SCHIP1: variants seen among roughly 807,000 people sequenced by gnomAD.
SCHIP1 encodes the protein schwannomin interacting protein 1, also known as schwannomin-interacting protein 1.
Under a neutral mutation model 29.7 loss-of-function variants are expected in SCHIP1, and 8 were observed. That is an observed-to-expected ratio of 0.27 (90% CI 0.16 to 0.49). The LOEUF (loss-of-function observed/expected upper bound fraction) is 0.49, where lower values mean the gene tolerates loss of function less well. Among genes scored for constraint, SCHIP1 ranks in the 20% least tolerant of loss-of-function variants. The pLI, the probability that SCHIP1 is intolerant of heterozygous loss-of-function variation, is 0.99. For synonymous variants in SCHIP1, 76 were observed against 94.9 expected, an observed-to-expected ratio of 0.80 and a Z score of 1.16; for missense variants, 193 against 294.6, an observed-to-expected ratio of 0.66 and a Z score of 2.52.
the SCHIP1 span, among the ~76,000 whole-genome samples, chr3:159,393,868 G>C: frequency 1.3e-5 from 2 of 152,160 alleles, no homozygotes; most frequent in South Asian, 4.1e-4. Context: ...TTGGTAGCTT[G>C]ATGGGGATGG....
At chr3:159,606,934 T>A in the SCHIP1 span, among the ~76,000 whole-genome samples, 3 of 152,260 alleles carry the variant, frequency 2.0e-5, 1 homozygote, top group South Asian at 6.2e-4. Context: ...GAAGGATGGA[T>A]CTGGTGACAG....
chr3:159,398,030 T>C, the SCHIP1 span, among the ~76,000 whole-genome samples: 48 of 152,254 alleles, frequency 3.2e-4, no homozygotes, highest in Non-Finnish European at 5.4e-4. Flanking sequence ...TCTCCTGGTG[T>C]GCTGTTTTTT....
the SCHIP1 span, among the ~76,000 whole-genome samples, chr3:159,729,896 G>A: frequency 6.6e-6 from 1 of 152,180 alleles, no homozygotes; most frequent in Non-Finnish European, 1.5e-5. Flanking sequence ...AAATTGTGGT[G>A]TATTCCCAGA....
chr3:159,372,641 G>T, the SCHIP1 span, among the ~76,000 whole-genome samples: 2 of 152,048 alleles, frequency 1.3e-5, no homozygotes, highest in African/African-American at 4.8e-5. Context: ...GACCACATCT[G>T]CCTGTCATGT....
chr3:159,483,459 TTTA>T, the SCHIP1 span, among the ~76,000 whole-genome samples: 2 of 152,180 alleles, frequency 1.3e-5, no homozygotes, highest in Non-Finnish European at 2.9e-5. Flanking sequence ...TATTACATGC[TTTA>T]TTAAGCCAGG....
chr3:159,466,008 C>T, the SCHIP1 span, among the ~76,000 whole-genome samples: 2 of 151,970 alleles, frequency 1.3e-5, no homozygotes, highest in Admixed American at 6.6e-5. Context: ...CTATGTTACA[C>T]AATTTTTGAG....
chr3:159,700,425 A>G, the SCHIP1 span, among the ~76,000 whole-genome samples: 5 of 152,256 alleles, frequency 3.3e-5, no homozygotes, highest in Admixed American at 3.3e-4. Flanking sequence ...TGGTGTAATA[A>G]TACAACTTCT....
the SCHIP1 span, among the ~76,000 whole-genome samples, chr3:159,505,167 T>C: frequency 6.6e-6 from 1 of 152,168 alleles, no homozygotes; most frequent in Admixed American, 6.5e-5. Flanking sequence ...AGCCTGGTCA[T>C]AAAGTTTCCT....
chr3:159,297,538 T>C, the SCHIP1 span, among the ~76,000 whole-genome samples: 1 of 152,020 alleles, frequency 6.6e-6, no homozygotes, highest in Non-Finnish European at 1.5e-5. Flanking sequence ...GGAGTGTGGG[T>C]TGCCAAAGGC....
chr3:159,889,218 C>G (rs1229998235), intron 5 of SCHIP1, among the ~76,000 whole-genome samples: 3 of 152,206 alleles, frequency 2.0e-5, no homozygotes, highest in Non-Finnish European at 1.5e-5. Context: ...ACCTGACTTA[C>G]AACACCTGTT....
chr3:159,500,914 CTACTT>C, the SCHIP1 span, among the ~76,000 whole-genome samples: 1 of 152,128 alleles, frequency 6.6e-6, no homozygotes, highest in Non-Finnish European at 1.5e-5. Flanking sequence ...AAAAGCTACT[CTACTT>C]ATGGAGTTTA....
chr3:159,630,917 A>G, the SCHIP1 span, among the ~76,000 whole-genome samples: 1 of 152,162 alleles, frequency 6.6e-6, no homozygotes, highest in Admixed American at 6.5e-5. Context: ...TTAAAATTAG[A>G]TGTGGTATTC....
chr3:159,630,366 T>C, the SCHIP1 span, among the ~76,000 whole-genome samples: 12 of 152,244 alleles, frequency 7.9e-5, no homozygotes, highest in Non-Finnish European at 1.2e-4. Context: ...AATTTTTAAA[T>C]GGGCAAAGAT....
At chr3:159,759,987 CT>C in the SCHIP1 span, among the ~76,000 whole-genome samples, 5 of 142,008 alleles carry the variant, frequency 3.5e-5, no homozygotes, top group Non-Finnish European at 7.4e-5. Flanking sequence ...CTTCTTACCC[CT>C]ATCTTTAAGT....
At chr3:159,724,355 G>A in the SCHIP1 span, among the ~76,000 whole-genome samples, 6 of 152,166 alleles carry the variant, frequency 3.9e-5, no homozygotes, top group Non-Finnish European at 8.8e-5. Context: ...AAGGGTTTGG[G>A]TGAAGGTCTG....
chr3:159,506,947 G>A, the SCHIP1 span, among the ~76,000 whole-genome samples: 1 of 152,076 alleles, frequency 6.6e-6, no homozygotes, highest in African/African-American at 2.4e-5. Context: ...CTGGCAATGC[G>A]GGCTCTTCTT....
At chr3:159,765,112 G>T in the SCHIP1 span, 1 of 1,568,814 alleles carries the variant, frequency 6.4e-7, no homozygotes, top group African/African-American at 1.4e-5. Context: ...ACGGAACCAG[G>T]GCCAGGCGAG....
chr3:159,760,645 T>C, the SCHIP1 span, among the ~76,000 whole-genome samples: 3 of 152,220 alleles, frequency 2.0e-5, no homozygotes, highest in Admixed American at 6.5e-5. Flanking sequence ...TCCATTCCAA[T>C]TACCGTGAAT....
At chr3:159,593,892 C>T in the SCHIP1 span, among the ~76,000 whole-genome samples, 1 of 152,156 alleles carries the variant, frequency 6.6e-6, no homozygotes, top group Non-Finnish European at 1.5e-5. Context: ...CCCCTGGCTG[C>T]ATCCAGAGCT....
Sources: allele counts gnomAD v4.1 joint callset (sites outside exome capture counted in the v4.1 genomes callset), GRCh38; gene constraint gnomAD v4.1.1; transcripts MANE v1.5; gene names NCBI Gene and HGNC (gene_info 2026-07-23, HGNC 2026-07-21).